Variants in RIMS2 observed in about 807,000 individuals in gnomAD.
RIMS2 encodes the protein regulating synaptic membrane exocytosis 2.
Under a neutral mutation model 174.4 loss-of-function variants are expected in RIMS2, and 59 were observed. The ratio of observed to expected loss-of-function variants is 0.34; its 90% CI spans 0.27 to 0.42. RIMS2 has a LOEUF of 0.42. RIMS2 is among the 10% of genes least tolerant of loss of function. RIMS2 has a pLI of 1.00. For missense variants in RIMS2, 1,620 were observed against 1,666.3 expected (o/e 0.97, Z 0.48); for synonymous variants, 606 against 572.5 (o/e 1.06, Z -0.84).
chr8:103,749,709 A>G (rs564946272), intron 2 of RIMS2, among the ~76,000 whole-genome samples: 3 of 152,294 alleles, frequency 2.0e-5, no homozygotes, highest in African/African-American at 7.2e-5. Flanking sequence ...TCACACTAAT[A>G]TAATTTTACA....
intron 14 of RIMS2, among the ~76,000 whole-genome samples, chr8:103,958,615 T>G (rs1353868737): frequency 6.6e-6 from 1 of 151,858 alleles, no homozygotes; most frequent in African/African-American, 2.4e-5. Context: ...GAAAAGAAAA[T>G]AGAACTTGAT....
chr8:103,554,804 A>G (rs1458670203), intron 1 of RIMS2, among the ~76,000 whole-genome samples: 1 of 152,196 alleles, frequency 6.6e-6, no homozygotes, highest in Non-Finnish European at 1.5e-5. Flanking sequence ...TCAACAGTAG[A>G]CTGAATAAAG....
chr8:103,584,088 A>G (rs2093768586), intron 1 of RIMS2, among the ~76,000 whole-genome samples: 3 of 152,250 alleles, frequency 2.0e-5, no homozygotes, highest in Admixed American at 2.0e-4. Flanking sequence ...TCCGAAAAGC[A>G]GCAAGAGAAA....
intron 1 of RIMS2, among the ~76,000 whole-genome samples, chr8:103,575,699 T>C (rs183904812): frequency 2.2e-4 from 33 of 149,450 alleles, no homozygotes; most frequent in South Asian, 4.2e-4. Context: ...TATATATATA[T>C]ACACATACAG....
rs73699080 is a variant in RIMS2, at chr8:104,154,171, A to G, written c.3335-90745A>G. Among the ~76,000 whole-genome samples, 938 of 152,270 alleles carry G rather than the reference A, an allele frequency of 6.2e-3. 9 individuals are homozygous for G. The highest frequency in any genetic ancestry group is 0.022 in the African/African-American group (902 of 41,560). ...TTATCTCCATTCGATAGATGGGGGG[A>G]AAAAGTAGGGAGACAGGAAATAAAT... On this transcript the variant is annotated intron_variant, in intron 19 of 23. Coordinates refer to ENST00000504942, the Ensembl canonical transcript of RIMS2.
intron 19 of RIMS2, among the ~76,000 whole-genome samples, chr8:104,179,573 A>G (rs1013201324): frequency 7.2e-5 from 11 of 151,964 alleles, no homozygotes; most frequent in African/African-American, 2.4e-4. Context: ...TCTGAAATTT[A>G]CATAATATCT....
At chr8:103,893,448 T>C (rs534199237) in intron 4 of RIMS2, among the ~76,000 whole-genome samples, 1 of 152,212 alleles carries the variant, frequency 6.6e-6, no homozygotes, top group Admixed American at 6.5e-5. Flanking sequence ...GGGTATACAA[T>C]GTACTTTTAC....
At chr8:103,552,129 A>G (rs1163132434) in intron 1 of RIMS2, among the ~76,000 whole-genome samples, 1 of 152,170 alleles carries the variant, frequency 6.6e-6, no homozygotes, top group Admixed American at 6.5e-5. Context: ...ACCAAAAAAG[A>G]TTCCATATTG....
chr8:103,744,724 T>A (rs902908053), intron 2 of RIMS2, among the ~76,000 whole-genome samples: 1 of 152,202 alleles, frequency 6.6e-6, no homozygotes, highest in Non-Finnish European at 1.5e-5. Flanking sequence ...GGCATGCCAA[T>A]GAGCTAATAT....
intron 19 of RIMS2, among the ~76,000 whole-genome samples, chr8:104,169,779 GT>G: frequency 6.6e-6 from 1 of 151,894 alleles, no homozygotes; most frequent in Non-Finnish European, 1.5e-5. Flanking sequence ...TTGTCTATTT[GT>G]GCTCTTTCAG....
chr8:104,248,698 C>T lies in RIMS2; in HGVS notation c.3477-3C>T. 1 of 1,537,228 alleles carries T rather than the reference C, an allele frequency of 6.5e-7. No homozygotes were observed. Among genetic ancestry groups the T allele is most frequent in the Non-Finnish European group, 9.0e-7 (1 of 1,109,858 alleles). ...TTAATCTCATATGTTATTTTGCTTT[C>T]AGTCTGATTTTCCCTGGTGTTCGCT... is the stretch of plus-strand genomic sequence containing the variant. On this transcript the variant is annotated splice_region_variant and splice_polypyrimidine_tract_variant and intron_variant, in intron 20 of 23. Transcript: ENST00000504942.
At chr8:104,014,740 A>G (rs1463624551) in intron 19 of RIMS2, 125 bp downstream of exon 21, 2 of 491,098 alleles carry the variant, frequency 4.1e-6, no homozygotes, top group Non-Finnish European at 7.2e-6. Context: ...TCTGTATTTG[A>G]TAATAGTTAT....
chr8:103,823,091 T>A (rs1193757619), intron 3 of RIMS2, among the ~76,000 whole-genome samples: 1 of 151,958 alleles, frequency 6.6e-6, no homozygotes, highest in African/African-American at 2.4e-5. Flanking sequence ...AGCCGTCTTT[T>A]TTATACAACG....
At chr8:104,250,648 G>T (rs945358510) in intron 22 of RIMS2, among the ~76,000 whole-genome samples, 6 of 152,152 alleles carry the variant, frequency 3.9e-5, no homozygotes, top group African/African-American at 1.4e-4. Context: ...ATCACTATTT[G>T]TGGGGATGAG....
rs116359623 is a variant in RIMS2 at position 103,640,777 on chromosome 8, G to A, written c.177-56309G>A. Among the ~76,000 whole-genome samples the A allele has an allele frequency of 1.9e-3, 296 of 152,062 alleles. 3 individuals carry two copies. The highest frequency in any genetic ancestry group is 6.6e-3 in the African/African-American group (275 of 41,508). On this transcript the variant is annotated intron_variant, in intron 1 of 23. Coordinates refer to ENST00000504942, the Ensembl canonical transcript of RIMS2. ...AAGGGTGTTTCATGGCCTAGAATGT[G>A]GTCTGTCTTGGTGTATGTTCCCTGG...
At position 103,633,167 on chromosome 8, in the gene RIMS2, C is replaced by T. The variant is rs192209965; in HGVS notation, c.177-63919C>T. ...TCAGCCTCCTGAGTAGCCGGGACTACAGGCATGTGCCACCACGCCCGGCTA... is the reference window on the plus strand; with the variant it reads ...TCAGCCTCCTGAGTAGCCGGGACTATAGGCATGTGCCACCACGCCCGGCTA... On this transcript the variant is annotated intron_variant, in intron 1 of 23. Coordinates refer to ENST00000504942, the Ensembl canonical transcript of RIMS2. Among the ~76,000 whole-genome samples the T allele has an allele frequency of 6.1e-3, 917 of 151,122 alleles. 11 individuals carry two copies. Among genetic ancestry groups the T allele is most frequent in the African/African-American group, 0.021 (865 of 41,172 alleles).
chr8:103,629,070 A>C (rs1441830969), intron 1 of RIMS2, among the ~76,000 whole-genome samples: 2 of 152,136 alleles, frequency 1.3e-5, no homozygotes, highest in African/African-American at 4.8e-5. Flanking sequence ...GCAGGCTCTC[A>C]GCAGAAACTA....
chr8:104,049,136 A>AT (rs1367659932), intron 19 of RIMS2, among the ~76,000 whole-genome samples: 1 of 151,976 alleles, frequency 6.6e-6, no homozygotes, highest in Non-Finnish European at 1.5e-5. Context: ...TAAAAAAAAA[A>AT]AAAAAAGGCC....
chr8:103,797,665 A>AT (rs1301366832), intron 3 of RIMS2, among the ~76,000 whole-genome samples: 1 of 152,120 alleles, frequency 6.6e-6, no homozygotes, highest in East Asian at 1.9e-4. Context: ...TTAGTGTTCG[A>AT]TTTTTTCTTA....
Sources: gnomAD v4.1 joint callset for allele counts (sites outside exome capture counted in the v4.1 genomes callset) on GRCh38, gnomAD v4.1.1 for gene constraint, MANE v1.5 for transcripts, NCBI Gene and HGNC (gene_info 2026-07-23, HGNC 2026-07-21) for gene names.